The following PRICKLE2 variants were observed in gnomAD, a reference collection of about 807,000 sequenced individuals.
PRICKLE2 encodes prickle planar cell polarity protein 2.
PRICKLE2 carries 21 observed loss-of-function variants against 81.4 expected under a neutral mutation model. That is an observed-to-expected ratio of 0.26 (90% CI 0.18 to 0.37). The LOEUF is 0.37. PRICKLE2 is among the 10% of genes least tolerant of loss of function. PRICKLE2 has a pLI of 1.00. For missense variants in PRICKLE2, 940 were observed against 1,109.0 expected, an observed-to-expected ratio of 0.85 and a Z score of 2.16; for synonymous variants, 456 against 421.5, an observed-to-expected ratio of 1.08 and a Z score of -1.00.
At chr3:64,221,215 A>G (rs903062801) in intron 1 of PRICKLE2, among the ~76,000 whole-genome samples, 2 of 151,524 alleles carry the variant, frequency 1.3e-5, no homozygotes, top group African/African-American at 4.9e-5. Context: ...GCTCCATCCA[A>G]ACTCACACAC....
chr3:64,095,254 G>A lies in PRICKLE2; in HGVS notation c.*3797C>T, dbSNP rs1489620291. ...GCTTCCTCGAGCCTCCACAACCTGG[G>A]ATGGGGGAGGGGCAGGTGAATTGGA... On this transcript the variant is annotated 3_prime_UTR_variant, in exon 8 of 8. Coordinates refer to ENST00000638394, the MANE Select transcript of PRICKLE2 (RefSeq NM_198859.4). 1 of 152,172 alleles carries A rather than the reference G, an allele frequency of 6.6e-6. No homozygotes were observed. The highest frequency in any genetic ancestry group is 2.4e-5 in the African/African-American group (1 of 41,438). 9.4% of individuals were successfully genotyped at this position (152,172 alleles called of 1,614,324 possible).
chr3:64,241,854 G>A (rs988767260), intron 2 of PRICKLE2, among the ~76,000 whole-genome samples: 1 of 152,124 alleles, frequency 6.6e-6, no homozygotes, highest in Non-Finnish European at 1.5e-5. Flanking sequence ...CAAAGCAAGG[G>A]AAAATGTTTT....
intron 7 of PRICKLE2, chr3:64,101,454 G>A (rs1395911000): frequency 6.6e-6 from 1 of 152,190 alleles, no homozygotes; most frequent in African/African-American, 2.4e-5. Flanking sequence ...AAGTGAGAAA[G>A]TATTAAAAAT....
chr3:64,108,916 T>A (rs1575544781), intron 7 of PRICKLE2, among the ~76,000 whole-genome samples: 1 of 152,256 alleles, frequency 6.6e-6, no homozygotes, highest in African/African-American at 2.4e-5. Flanking sequence ...CTCTGGACTC[T>A]ACCCACTAGA....
At chr3:64,120,942 C>T (rs2077014692) in intron 7 of PRICKLE2, among the ~76,000 whole-genome samples, 1 of 152,186 alleles carries the variant, frequency 6.6e-6, no homozygotes, top group South Asian at 2.1e-4. Context: ...ACAACAAAGC[C>T]AGGACTGAAT....
intron 2 of PRICKLE2, among the ~76,000 whole-genome samples, chr3:64,184,054 G>C (rs1204565385): frequency 2.0e-5 from 3 of 152,160 alleles, no homozygotes; most frequent in Non-Finnish European, 4.4e-5. Flanking sequence ...GTCTTGTTTT[G>C]CTTATATCTT....
Position 64,099,759 on chromosome 3 carries a change from G to A in PRICKLE2, c.1827C>T (p.Leu609=). 1 of 1,614,212 alleles carries A rather than the reference G, an allele frequency of 6.2e-7. No homozygotes were observed. The highest frequency in any genetic ancestry group is 8.5e-7 in the Non-Finnish European group (1 of 1,180,032). ...FRSAESVRSL[L]SAQQYQEMEG... The stretch of plus-strand genomic sequence containing the variant: ...CCATCTCCTGGTACTGCTGGGCAGA[G>A]AGCAGGCTGCGAACTGACTCTGCGC... Residue 609 remains leucine (L), a synonymous_variant, in exon 8 of 8, where the codon CTC becomes CTT. Transcript: ENST00000638394. The surrounding 1 kb of genome is among the most constrained non-coding windows in gnomAD (Gnocchi z 4.3).
At chr3:64,201,198 G>A (rs2078571607) in intron 1 of PRICKLE2, among the ~76,000 whole-genome samples, 2 of 151,858 alleles carry the variant, frequency 1.3e-5, no homozygotes, top group Admixed American at 6.6e-5. Context: ...CAAAGTGCTA[G>A]GATTACAGGC....
intron 7 of PRICKLE2, among the ~76,000 whole-genome samples, chr3:64,110,680 G>T (rs937530866): frequency 1.3e-5 from 2 of 152,126 alleles, no homozygotes; most frequent in Non-Finnish European, 2.9e-5. Context: ...GTTCCAGGCA[G>T]AGGGAGCAAG....
upstream of PRICKLE2, among the ~76,000 whole-genome samples, chr3:64,229,077 C>A (rs999921988): frequency 2.0e-5 from 3 of 152,152 alleles, no homozygotes; most frequent in Non-Finnish European, 4.4e-5. Flanking sequence ...TAGTCAAATT[C>A]ACCTTCTGCT....
rs1216239314 is a variant in PRICKLE2 at position 64,243,807 on chromosome 3, CAAG to C, written c.129-44843_129-44841del. On this transcript the variant is annotated intron_variant, in intron 2 of 8. Coordinates refer to the PRICKLE2 transcript ENST00000295902. ...AGATGAGTAAACTGAGGCTCAGAAACAAGAAGACTAATTTTGGTTAGGACCCAG... is the reference window on the plus strand; with the variant it reads ...AGATGAGTAAACTGAGGCTCAGAAACAAGACTAATTTTGGTTAGGACCCAG... Among the ~76,000 whole-genome samples the C allele has an allele frequency of 2.0e-5, 3 of 152,146 alleles. No individual in the cohort carries two copies. The East Asian group carries it at 5.8e-4, about 29-fold the overall frequency.
chr3:64,177,125 C>CTT (rs10690677), intron 2 of PRICKLE2, among the ~76,000 whole-genome samples: 37,701 of 70,846 alleles, frequency 0.53, 15,729 homozygotes, highest in Non-Finnish European at 0.55. Context: ...CCATTTTAAC[C>CTT]TTTTTTTTTT....
chr3:64,143,146 T>C (rs771877330), intron 7 of PRICKLE2, among the ~76,000 whole-genome samples: 1 of 152,238 alleles, frequency 6.6e-6, no homozygotes, highest in Non-Finnish European at 1.5e-5. Context: ...CAGGAGGCTA[T>C]TGAAATTTAA....
chr3:64,146,689 G>A (rs898707253), intron 7 of PRICKLE2, 141 bp downstream of exon 7: 43 of 883,170 alleles, frequency 4.9e-5, no homozygotes, highest in Middle Eastern at 7.0e-4. Context: ...CTTGCAGTGA[G>A]CGGAGATCGT....
intron 7 of PRICKLE2, among the ~76,000 whole-genome samples, chr3:64,126,375 T>A (rs902422626): frequency 6.6e-6 from 1 of 152,002 alleles, no homozygotes; most frequent in Non-Finnish European, 1.5e-5. Context: ...CCACGGCAGG[T>A]AGTTTCAAAT....
In PRICKLE2 at chr3:64,147,588, T is replaced by A; in HGVS notation, c.902A>T (p.Gln301Leu). The A allele has an allele frequency of 6.2e-7, 1 of 1,614,206 alleles. No homozygotes were observed. Among genetic ancestry groups the A allele is most frequent in the Non-Finnish European group, 8.5e-7 (1 of 1,180,044 alleles). Residue 301 changes from glutamine (Q) to leucine (L), a missense_variant, in exon 7 of 8, where the codon CAG becomes CTG. Coordinates refer to ENST00000638394, the MANE Select transcript of PRICKLE2 (RefSeq NM_198859.4). The surrounding 1 kb of genome is among the most constrained non-coding windows in gnomAD (Gnocchi z 5.0). ...GGCCCGTGAGCAGAATATCTGGCCC[T>A]GCTTCGGGAGGAATGGCCGCCCCAG... ...SLLGRPFLPK[Q>L]GQIFCSRACS...
At chr3:64,159,884 A>C in intron 4 of PRICKLE2, 56 bp downstream of exon 4, 7 of 1,609,292 alleles carry the variant, frequency 4.3e-6, no homozygotes, top group Middle Eastern at 1.7e-4. Context: ...TGGATGAATG[A>C]ATGGGTGAAA....
chr3:64,119,661 G>T (rs771163376), intron 7 of PRICKLE2, among the ~76,000 whole-genome samples: 5 of 152,126 alleles, frequency 3.3e-5, no homozygotes, highest in Admixed American at 6.5e-5. Context: ...ATTTCTCAAA[G>T]AACTTAAACC....
chr3:64,147,755 C>T lies in PRICKLE2; in HGVS notation c.788-53G>A, dbSNP rs2077481608. 1 of 1,600,644 alleles carries T rather than the reference C, an allele frequency of 6.2e-7. No individual in the cohort carries two copies. Among genetic ancestry groups the T allele is most frequent in the East Asian group, 2.2e-5 (1 of 44,816 alleles). ...CTGATGAGCTGCTCAGAGCTCTGCA[C>T]TGGGACGTGAAACACATAGCACCTT... is the stretch of plus-strand genomic sequence containing the variant. On this transcript the variant is annotated intron_variant, in intron 6 of 7. Coordinates refer to ENST00000638394, the MANE Select transcript of PRICKLE2 (RefSeq NM_198859.4). The surrounding 1 kb of genome is among the most constrained non-coding windows in gnomAD (Gnocchi z 5.0).
Sources: gnomAD v4.1 joint callset for allele counts (sites outside exome capture counted in the v4.1 genomes callset) on GRCh38, gnomAD v4.1.1 for gene constraint, Gnocchi (gnomAD v3.1) non-coding constraint, MANE v1.5 for transcripts, NCBI Gene and HGNC (gene_info 2026-07-23, HGNC 2026-07-21) for gene names.